Variants in SMC2 observed in about 807,000 individuals in gnomAD.
SMC2 encodes structural maintenance of chromosomes 2.
A neutral mutation model predicts 142.6 loss-of-function variants in SMC2; 41 were observed. That is an observed-to-expected ratio of 0.29 (90% confidence interval 0.22 to 0.37). The LOEUF (loss-of-function observed/expected upper bound fraction) is 0.37, where lower values mean the gene tolerates loss of function less well. Among genes scored for constraint, SMC2 ranks in the 10% least tolerant of loss-of-function variants. The probability of loss-of-function intolerance (pLI) is 1.00; values close to 1 mark genes in which losing one functional copy is unlikely to be tolerated. For synonymous variants in SMC2, 463 were observed against 457.5 expected, an observed-to-expected ratio of 1.01 and a Z score of -0.15; for missense variants, 1,265 against 1,373.7, an observed-to-expected ratio of 0.92 and a Z score of 1.25.
At chr9:104,110,697 CG>C (rs1269015355) in intron 9 of SMC2, among the ~76,000 whole-genome samples, 15 of 152,268 alleles carry the variant, frequency 9.9e-5, no homozygotes, top group African/African-American at 3.4e-4. Flanking sequence ...GCTCCTAGTC[CG>C]GTTCCTCAAA....
At chr9:104,121,218 C>G (rs552010777) in intron 16 of SMC2, among the ~76,000 whole-genome samples, 26 of 152,256 alleles carry the variant, frequency 1.7e-4, no homozygotes, top group African/African-American at 5.8e-4. Context: ...TTTGGCCAGG[C>G]CTAGTGGTGC....
Position 104,135,814 on chromosome 9 carries a change from T to C in SMC2, c.3269+1239T>C, listed in dbSNP as rs1376287264. 9.6e-6 allele frequency: 5 copies of C among 518,368 alleles called. No homozygotes were observed. In the Admixed American group the frequency reaches 9.7e-5, roughly 10 times the overall value. 32.1% of individuals were successfully genotyped at this position (518,368 alleles called of 1,614,324 possible). On this transcript the variant is annotated intron_variant, in intron 23 of 24. Transcript: ENST00000374793. Reference sequence around the variant, plus strand: ...CTGAAAGTATATGTCAACTTAGAATTGTATATCTAACAGAAATATTCTTCA... The same window carrying C: ...CTGAAAGTATATGTCAACTTAGAATCGTATATCTAACAGAAATATTCTTCA...
chr9:104,116,243 G>A lies in SMC2; in HGVS notation c.1715G>A (p.Arg572Gln), dbSNP rs200921540. ...KLLERGELKR[R>Q]YTIIPLNKIS... ...CTAGAAAGGGGGGAACTGAAACGTC[G>A]ATACACTATAATTCCACTCAATAAA... The change falls in exon 14 of 25, where the codon CGA becomes CAA. Residue 572 changes from arginine (R) to glutamine (Q), a missense_variant. Physicochemically the swap from Arg to Gln is conservative, Grantham distance 43. This residue lies in a region of SMC2 where 898 missense variants were observed against 904.2 expected (regional missense o/e 0.99). Transcript: ENST00000374793. 4.4e-5 allele frequency: 71 copies of A among 1,607,548 alleles called. No individual in the cohort carries two copies. The African/African-American group carries it at 5.0e-4, about 11-fold the overall frequency.
intron 9 of SMC2, among the ~76,000 whole-genome samples, 177 bp downstream of exon 9, chr9:104,102,750 A>T (rs1280982875): frequency 6.6e-6 from 1 of 152,162 alleles, no homozygotes; most frequent in African/African-American, 2.4e-5. Flanking sequence ...GTGGACCTTC[A>T]TTCCATTGGG....
At chr9:104,114,588 C>A (rs1832870745) in intron 12 of SMC2, 103 bp from the exon 13 acceptor site, 4 of 1,033,600 alleles carry the variant, frequency 3.9e-6, no homozygotes, top group Non-Finnish European at 5.5e-6. Context: ...ATTCTACTTT[C>A]ATTTCACTTT....
chr9:104,111,827 A>G lies in SMC2; in HGVS notation c.1254+13A>G, dbSNP rs760623742. The G allele has an allele frequency of 1.0e-5, 16 of 1,562,442 alleles. No homozygotes were observed. The highest frequency in any genetic ancestry group is 2.3e-5 in the South Asian group (2 of 87,448). On this transcript the variant is annotated intron_variant, in intron 10 of 24. Coordinates refer to ENST00000374793, the MANE Select transcript of SMC2 (RefSeq NM_006444.3). ...AGAAGCCAAACAGGTAAATAGAGAC[A>G]TTAGCACTATGTGATTGCTTTTTTT... is the stretch of plus-strand genomic sequence containing the variant.
intron 17 of SMC2, among the ~76,000 whole-genome samples, 163 bp from the exon 18 acceptor site, chr9:104,124,749 G>A (rs1284200571): frequency 6.6e-6 from 1 of 152,038 alleles, no homozygotes. Flanking sequence ...TGGCTTTTGG[G>A]TAGGATCTGT....
chr9:104,118,306 A>G lies in SMC2; in HGVS notation c.1927A>G (p.Lys643Glu). ...TAATGCCAAAAAAGTGGCCTTTGAT[A>G]AGAGGATAATGACTAGAACTGTAAC... ...MDNAKKVAFD[K>E]RIMTRTVTLG... The change falls in exon 15 of 25, where the codon AAG (lysine) becomes GAG (glutamate). Residue 643 changes from lysine (K) to glutamate (E), a missense_variant. Lys to Glu is a moderately conservative substitution (Grantham distance 56, BLOSUM62 1). This residue lies in a region of SMC2 where 898 missense variants were observed against 904.2 expected (regional missense o/e 0.99). Coordinates refer to ENST00000374793, the MANE Select transcript of SMC2 (RefSeq NM_006444.3). The G allele has an allele frequency of 6.2e-7, 1 of 1,613,768 alleles. No homozygotes were observed. Among genetic ancestry groups the G allele is most frequent in the Non-Finnish European group, 8.5e-7 (1 of 1,179,748 alleles).
intron 2 of SMC2, among the ~76,000 whole-genome samples, chr9:104,095,834 C>T (rs1229645025): frequency 6.6e-6 from 1 of 152,188 alleles, no homozygotes; most frequent in African/African-American, 2.4e-5. Context: ...CTTTTCAAAT[C>T]CTATTAATGG....
intron 23 of SMC2, among the ~76,000 whole-genome samples, chr9:104,136,412 T>C (rs960079730): frequency 6.6e-6 from 1 of 152,150 alleles, no homozygotes; most frequent in African/African-American, 2.4e-5. Context: ...TTCCACAGTT[T>C]AGTTCCCAAT....
At chr9:104,128,660 A>G (rs1203286717) in intron 20 of SMC2, among the ~76,000 whole-genome samples, 1 of 152,226 alleles carries the variant, frequency 6.6e-6, no homozygotes, top group East Asian at 1.9e-4. Flanking sequence ...GAATTAATAC[A>G]AGTCAATAAA....
intron 23 of SMC2, chr9:104,136,198 T>C (rs1835511613): frequency 8.3e-6 from 2 of 239,638 alleles, no homozygotes; most frequent in Non-Finnish European, 8.4e-6. Context: ...ATATAATCCA[T>C]AGGCCTTGAA....
intron 9 of SMC2, 38 bp from the exon 10 acceptor site, chr9:104,111,543 G>A: frequency 6.9e-7 from 1 of 1,442,168 alleles, no homozygotes; most frequent in Non-Finnish European, 9.6e-7. Context: ...TGTTTTTCCT[G>A]AAATATAATA....
rs1444433876 is a variant in SMC2, at chr9:104,139,221, C to T, written c.3500C>T (p.Thr1167Ile). ...FKTKFVDGVS[T>I]VARFTQCQNG... The stretch of plus-strand genomic sequence containing the variant: ...ACCAAGTTTGTGGATGGTGTTTCTA[C>T]AGTAGCCAGATTTACTCAATGTCAA... Residue 1167 changes from threonine to isoleucine, a missense_variant, in exon 25 of 25, where the codon ACA becomes ATA. Physicochemically the swap from Thr to Ile is moderately conservative, Grantham distance 89 (BLOSUM62 -1). Coordinates refer to ENST00000374793, the MANE Select transcript of SMC2 (RefSeq NM_006444.3). 1.9e-6 allele frequency: 3 copies of T among 1,603,196 alleles called. No homozygotes were observed. The highest frequency in any genetic ancestry group is 1.4e-5 in the African/African-American group (1 of 74,016).
intron 9 of SMC2, among the ~76,000 whole-genome samples, chr9:104,110,401 T>C (rs7020317): frequency 0.06 from 9,193 of 152,128 alleles, 747 homozygotes; most frequent in African/African-American, 0.19. Context: ...ATGCTTTTAA[T>C]ATCTTTTTTC....
chr9:104,137,312 T>C (rs1243432783), intron 23 of SMC2, among the ~76,000 whole-genome samples: 3 of 152,124 alleles, frequency 2.0e-5, no homozygotes, highest in Non-Finnish European at 4.4e-5. Flanking sequence ...TTATGAATTA[T>C]ATATTTGTAA....
At chr9:104,125,377 G>A (rs1834154167) in intron 18 of SMC2, among the ~76,000 whole-genome samples, 1 of 152,010 alleles carries the variant, frequency 6.6e-6, no homozygotes, top group South Asian at 2.1e-4. Flanking sequence ...GGGATACTCA[G>A]TTACTCTGTA....
intron 9 of SMC2, 64 bp downstream of exon 9, chr9:104,102,637 A>G: frequency 1.4e-6 from 2 of 1,442,554 alleles, no homozygotes; most frequent in Non-Finnish European, 1.9e-6. Flanking sequence ...ATTAGTGTAC[A>G]TTTATCTATT....
intron 2 of SMC2, among the ~76,000 whole-genome samples, chr9:104,095,870 G>T (rs1336888416): frequency 6.6e-6 from 1 of 152,020 alleles, no homozygotes; most frequent in Non-Finnish European, 1.5e-5. Context: ...AAAATCTTTG[G>T]GACAGTATTT....
Sources: gnomAD v4.1 joint callset for allele counts (sites outside exome capture counted in the v4.1 genomes callset) on GRCh38, gnomAD v4.1.1 for gene constraint, gnomAD v4.1.1 regional missense constraint, MANE v1.5 for transcripts, NCBI Gene and HGNC (gene_info 2026-07-23, HGNC 2026-07-21) for gene names.